The following RYR3 variants were observed in gnomAD, a reference collection of about 807,000 sequenced individuals.
The protein encoded by RYR3 is brain ryanodine receptor-calcium release channel.
In RYR3, 207 loss-of-function variants were observed where a neutral mutation model predicts 584.3. The ratio of observed to expected loss-of-function variants is 0.35; its 90% CI spans 0.32 to 0.40. The LOEUF (loss-of-function observed/expected upper bound fraction) is 0.40, where lower values mean the gene tolerates loss of function less well. Ranked by LOEUF, RYR3 falls within the 10% of genes least tolerant of loss-of-function variation. The probability of loss-of-function intolerance (pLI) is 1.00; values close to 1 mark genes in which losing one functional copy is unlikely to be tolerated. For missense variants in RYR3, 5,616 were observed against 6,089.2 expected (o/e 0.92, Z 2.59); for synonymous variants, 2,416 against 2,248.5 (o/e 1.07, Z -2.11).
At chr15:33,768,433 A>T (rs2073285097) in intron 60 of RYR3, among the ~76,000 whole-genome samples, 1 of 152,224 alleles carries the variant, frequency 6.6e-6, no homozygotes, top group Admixed American at 6.5e-5. Context: ...TTTAATAAAG[A>T]TGGAGCTGCC....
At chr15:33,469,658 A>G (rs1028504872) in intron 1 of RYR3, among the ~76,000 whole-genome samples, 1 of 152,074 alleles carries the variant, frequency 6.6e-6, no homozygotes. Flanking sequence ...GTGCACTGGG[A>G]CATGTTGATT....
intron 34 of RYR3, 129 bp downstream of exon 34, chr15:33,660,552 C>T (rs2063101613): frequency 3.3e-6 from 2 of 608,472 alleles, no homozygotes; most frequent in Non-Finnish European, 5.7e-6. Context: ...TTGATTTCCC[C>T]AGTGCCTCAG....
At chr15:33,351,729 T>C (rs1218185752) in intron 1 of RYR3, among the ~76,000 whole-genome samples, 1 of 151,426 alleles carries the variant, frequency 6.6e-6, no homozygotes, top group African/African-American at 2.4e-5. Flanking sequence ...CTAAAAACTC[T>C]CAATAAATTA....
At chr15:33,423,222 C>G (rs2044362173) in intron 1 of RYR3, among the ~76,000 whole-genome samples, 1 of 152,160 alleles carries the variant, frequency 6.6e-6, no homozygotes, top group Non-Finnish European at 1.5e-5. Context: ...TTTGCCTATT[C>G]TAGAAATTTC....
chr15:33,769,768 A>C (rs1446764948), intron 62 of RYR3, among the ~76,000 whole-genome samples: 1 of 152,158 alleles, frequency 6.6e-6, no homozygotes, highest in Admixed American at 6.5e-5. Context: ...AGCCTGGGCA[A>C]CATGGTGAAA....
At chr15:33,347,816 C>T (rs1972665821) in intron 1 of RYR3, among the ~76,000 whole-genome samples, 1 of 152,036 alleles carries the variant, frequency 6.6e-6, no homozygotes, top group Admixed American at 6.6e-5. Flanking sequence ...GAAGGTATTC[C>T]AGGCTCATCT....
intron 3 of RYR3, among the ~76,000 whole-genome samples, chr15:33,507,552 T>G (rs1452455687): frequency 1.3e-5 from 2 of 152,178 alleles, no homozygotes; most frequent in East Asian, 3.8e-4. Context: ...CAATCAAATA[T>G]TAGAGTATTT....
intron 1 of RYR3, among the ~76,000 whole-genome samples, chr15:33,357,871 A>G (rs1974200597): frequency 1.3e-5 from 2 of 152,158 alleles, no homozygotes; most frequent in Admixed American, 6.5e-5. Context: ...ACACGGAAGT[A>G]TTTTACATGA....
rs2077642739 is a variant in RYR3 at position 33,830,980 on chromosome 15, C to A, written c.11352C>A (p.Phe3784Leu). ...LLRLQESISD[F>L]YWYYSGKDII... The stretch of plus-strand genomic sequence containing the variant: ...GTTTTTAGGAATCAATCAGTGATTT[C>A]TACTGGTATTATTCAGGGAAGGACA... Residue 3784 changes from phenylalanine to leucine, a missense_variant, in exon 86 of 104, where the codon TTC (phenylalanine) becomes TTA (leucine). Phe to Leu is a conservative substitution (Grantham distance 22). Around this residue, in one of 9 missense-constraint regions of RYR3, gnomAD observed 954 missense variants for 1,132.2 expected, o/e 0.84. Coordinates refer to ENST00000634891, the MANE Select transcript of RYR3 (RefSeq NM_001036.6). The A allele has an allele frequency of 5.6e-6, 9 of 1,613,546 alleles. No homozygotes were observed. The highest frequency in any genetic ancestry group is 7.6e-6 in the Non-Finnish European group (9 of 1,179,676).
intron 3 of RYR3, among the ~76,000 whole-genome samples, chr15:33,521,155 C>T (rs140403556): frequency 3.9e-5 from 6 of 152,232 alleles, no homozygotes; most frequent in East Asian, 1.9e-4. Context: ...CATAGCATCT[C>T]GTTTGCAGTC....
intron 1 of RYR3, among the ~76,000 whole-genome samples, chr15:33,384,663 A>G (rs1173936404): frequency 9.4e-6 from 1 of 105,986 alleles, no homozygotes; most frequent in Admixed American, 1.1e-4. Flanking sequence ...CCTATCCCTT[A>G]CTTCACATAC....
intron 1 of RYR3, among the ~76,000 whole-genome samples, chr15:33,404,824 TA>T (rs2042918173): frequency 6.6e-6 from 1 of 152,224 alleles, no homozygotes; most frequent in Non-Finnish European, 1.5e-5. Context: ...TTTGTATACA[TA>T]ACTTTTATTT....
At chr15:33,645,665 A>C (rs8025992) in intron 28 of RYR3, among the ~76,000 whole-genome samples, 1 of 152,190 alleles carries the variant, frequency 6.6e-6, no homozygotes, top group East Asian at 1.9e-4. Context: ...GGCTCAGATT[A>C]TAAGAAAATT....
chr15:33,838,996 C>T, intron 89 of RYR3, 38 bp downstream of exon 89: 1 of 1,571,000 alleles, frequency 6.4e-7, no homozygotes. Flanking sequence ...CCTTTATCCC[C>T]AGAATAAGAC....
In RYR3 at chr15:33,646,447, T is replaced by C; in HGVS notation, c.3862T>C (p.Cys1288Arg). The C allele has an allele frequency of 6.2e-7, 1 of 1,613,990 alleles. No homozygotes were observed. Among genetic ancestry groups the C allele is most frequent in the Non-Finnish European group, 8.5e-7 (1 of 1,179,872 alleles). ...TQNSNADMIY[C>R]RLSMPVECHS... is the part of the protein sequence containing the mutation. ...GAATAGCAATGCCGACATGATCTAT[T>C]GCCGCTTGAGCATGCCTGTCGAGTG... The change falls in exon 29 of 104, where the codon TGC (cysteine) becomes CGC (arginine). Residue 1288 changes from cysteine to arginine, a missense_variant. Around this residue, in one of 9 missense-constraint regions of RYR3, gnomAD observed 753 missense variants for 741.0 expected, o/e 1.02. Coordinates refer to ENST00000634891, the MANE Select transcript of RYR3 (RefSeq NM_001036.6).
intron 1 of RYR3, among the ~76,000 whole-genome samples, chr15:33,421,729 T>G (rs7497323): frequency 0.3 from 45,356 of 151,986 alleles, 7,727 homozygotes; most frequent in African/African-American, 0.47. Context: ...CTGAGTATTA[T>G]TCTGTGAATT....
At chr15:33,656,336 C>T (rs186836301) in intron 32 of RYR3, among the ~76,000 whole-genome samples, 126 of 152,322 alleles carry the variant, frequency 8.3e-4, no homozygotes, top group Middle Eastern at 3.4e-3. Flanking sequence ...GTAAGTTCCT[C>T]ATTTAGAAGG....
intron 1 of RYR3, among the ~76,000 whole-genome samples, chr15:33,440,755 C>A (rs1406484728): frequency 6.6e-6 from 1 of 152,194 alleles, no homozygotes; most frequent in African/African-American, 2.4e-5. Flanking sequence ...AGCCGTAAAA[C>A]CTGGCTCTTT....
chr15:33,449,356 G>A (rs1391009043), intron 1 of RYR3, among the ~76,000 whole-genome samples: 2 of 152,116 alleles, frequency 1.3e-5, no homozygotes, highest in South Asian at 2.1e-4. Context: ...GTGATCAAGC[G>A]AGACAGAAAG....
Sources: allele counts gnomAD v4.1 joint callset (sites outside exome capture counted in the v4.1 genomes callset), GRCh38; gene constraint gnomAD v4.1.1; regional missense constraint gnomAD v4.1.1; transcripts MANE v1.5; gene names NCBI Gene and HGNC (gene_info 2026-07-23, HGNC 2026-07-21).